RCAN2: variants seen among roughly 807,000 people sequenced by gnomAD.
The protein encoded by RCAN2 is calcipressin-2.
In RCAN2, 9 loss-of-function variants were observed where a neutral mutation model predicts 23.6. The ratio of observed to expected loss-of-function variants is 0.38; its 90% CI spans 0.23 to 0.67. RCAN2 has a LOEUF of 0.67. RCAN2 is among the 30% of genes least tolerant of loss of function. The probability of loss-of-function intolerance (pLI) is 0.51; values close to 1 mark genes in which losing one functional copy is unlikely to be tolerated. For synonymous variants in RCAN2, 109 were observed against 115.7 expected (o/e 0.94, Z 0.37); for missense variants, 273 against 302.3 (o/e 0.90, Z 0.72).
intron 2 of RCAN2, among the ~76,000 whole-genome samples, chr6:46,422,114 A>G (rs1272057250): frequency 6.6e-6 from 1 of 152,104 alleles, no homozygotes; most frequent in Non-Finnish European, 1.5e-5. Flanking sequence ...TGTTGGGGTC[A>G]TGAGGGAGGA....
At chr6:46,349,852 G>T (rs1019243263) in intron 2 of RCAN2, among the ~76,000 whole-genome samples, 2 of 152,086 alleles carry the variant, frequency 1.3e-5, no homozygotes, top group Non-Finnish European at 2.9e-5. Flanking sequence ...CAGAAGCCAG[G>T]ATGATCCACC....
chr6:46,227,716 G>A (rs1765722732), intron 4 of RCAN2, among the ~76,000 whole-genome samples: 1 of 151,590 alleles, frequency 6.6e-6, no homozygotes, highest in African/African-American at 2.4e-5. Context: ...CAATTTTGTT[G>A]ATCTTTTCAA....
At chr6:46,356,396 T>C (rs1167817754) in intron 2 of RCAN2, among the ~76,000 whole-genome samples, 7 of 152,180 alleles carry the variant, frequency 4.6e-5, no homozygotes, top group African/African-American at 1.7e-4. Context: ...GTTTAAACCC[T>C]CTGAGCTACC....
chr6:46,365,434 C>T lies in RCAN2; in HGVS notation c.225+91318G>A, dbSNP rs139345507. ...GAGTTTGCGGTGAGCCGAGATCATG[C>T]CATTGCACACTAGCCTGGGCAACAA... On this transcript the variant is annotated intron_variant, in intron 2 of 4. Coordinates refer to ENST00000371374, the MANE Select transcript of RCAN2 (RefSeq NM_001251974.2). Among the ~76,000 whole-genome samples, 394 of 151,264 alleles carry T rather than the reference C, an allele frequency of 2.6e-3. 1 individual carries two copies. The highest frequency in any genetic ancestry group is 9.0e-3 in the African/African-American group (371 of 41,266).
chr6:46,302,881 A>G (rs532566390), intron 2 of RCAN2, among the ~76,000 whole-genome samples: 1 of 152,188 alleles, frequency 6.6e-6, no homozygotes, highest in South Asian at 2.1e-4. Flanking sequence ...ATTGAGGCTC[A>G]GGGGCTTATG....
chr6:46,388,285 T>C (rs1037147550), intron 2 of RCAN2, among the ~76,000 whole-genome samples: 1 of 151,260 alleles, frequency 6.6e-6, no homozygotes, highest in Non-Finnish European at 1.5e-5. Flanking sequence ...ATAAATAAAT[T>C]TTAAAAAAAA....
chr6:46,363,614 A>G (rs1483041066), intron 2 of RCAN2, among the ~76,000 whole-genome samples: 2 of 152,182 alleles, frequency 1.3e-5, no homozygotes, highest in Non-Finnish European at 2.9e-5. Context: ...GAAAGCATCT[A>G]GGAGCTCAGC....
At chr6:46,447,828 C>T (rs959449183) in intron 2 of RCAN2, among the ~76,000 whole-genome samples, 1 of 151,252 alleles carries the variant, frequency 6.6e-6, no homozygotes, top group African/African-American at 2.4e-5. Context: ...TAGTAGCATA[C>T]TATGAGATAC....
At position 46,424,754 on chromosome 6, in the gene RCAN2, T is replaced by G. The variant is rs9472746; in HGVS notation, c.225+31998A>C. On this transcript the variant is annotated intron_variant, in intron 2 of 4. Transcript: ENST00000371374. Reference sequence around the variant, plus strand: ...ACTTCCTTAAACAGAATGGAGATAATGTATCTTCCACCCAGGGATTCTGGG... The same window carrying G: ...ACTTCCTTAAACAGAATGGAGATAAGGTATCTTCCACCCAGGGATTCTGGG... Among the ~76,000 whole-genome samples, 91 of 152,226 alleles carry G rather than the reference T, an allele frequency of 6.0e-4. 1 individual carries two copies. Among genetic ancestry groups the G allele is most frequent in the African/African-American group, 1.9e-3 (77 of 41,542 alleles).
intron 2 of RCAN2, among the ~76,000 whole-genome samples, chr6:46,418,652 C>T (rs539386054): frequency 5.5e-5 from 8 of 144,210 alleles, no homozygotes; most frequent in South Asian, 4.5e-4. Context: ...GGAATTTTAT[C>T]GGCTGATTGT....
chr6:46,443,825 CTT>C (rs763851265), intron 2 of RCAN2, among the ~76,000 whole-genome samples: 4 of 152,178 alleles, frequency 2.6e-5, no homozygotes, highest in Non-Finnish European at 5.9e-5. Context: ...GTACAGCCAA[CTT>C]TGTTTTTGGA....
chr6:46,322,242 C>T (rs1190800575), intron 2 of RCAN2, among the ~76,000 whole-genome samples: 2 of 152,182 alleles, frequency 1.3e-5, no homozygotes, highest in African/African-American at 2.4e-5. Flanking sequence ...CACATTCACA[C>T]ACACAGAAAT....
intron 2 of RCAN2, among the ~76,000 whole-genome samples, chr6:46,377,000 T>A (rs1011761414): frequency 1.4e-4 from 22 of 152,222 alleles, no homozygotes; most frequent in African/African-American, 5.3e-4. Flanking sequence ...GATGTAATTT[T>A]ATAAGGCTTT....
chr6:46,351,221 C>T (rs942690030), intron 2 of RCAN2, among the ~76,000 whole-genome samples: 5 of 152,212 alleles, frequency 3.3e-5, no homozygotes, highest in African/African-American at 1.2e-4. Context: ...TGTTCTTACA[C>T]CTTTGCTAGC....
intron 2 of RCAN2, among the ~76,000 whole-genome samples, chr6:46,320,497 C>G (rs1354486840): frequency 6.6e-6 from 1 of 152,154 alleles, no homozygotes; most frequent in Non-Finnish European, 1.5e-5. Flanking sequence ...ATAACTCACA[C>G]AACAGCATAA....
chr6:46,341,718 C>A (rs2396638), intron 2 of RCAN2, among the ~76,000 whole-genome samples: 63,936 of 151,790 alleles, frequency 0.42, 14,882 homozygotes, highest in East Asian at 0.6. Context: ...GAATCGCTTG[C>A]ACCTGGGAGG....
chr6:46,414,466 C>T (rs1002155312), intron 2 of RCAN2, among the ~76,000 whole-genome samples: 22 of 152,284 alleles, frequency 1.4e-4, no homozygotes, highest in African/African-American at 5.1e-4. Context: ...GCTTATGTGT[C>T]GAACTTGGCT....
At chr6:46,312,003 A>G (rs1763279771) in intron 2 of RCAN2, among the ~76,000 whole-genome samples, 1 of 152,194 alleles carries the variant, frequency 6.6e-6, no homozygotes, top group Non-Finnish European at 1.5e-5. Context: ...AGGAAGTGAT[A>G]TGTGTAACTT....
intron 1 of RCAN2, among the ~76,000 whole-genome samples, chr6:46,465,706 G>C (rs1442110151): frequency 6.6e-6 from 1 of 152,192 alleles, no homozygotes; most frequent in African/African-American, 2.4e-5. Flanking sequence ...GTCAAACCCA[G>C]CTGGAAACCA....
Sources: allele counts gnomAD v4.1 joint callset (sites outside exome capture counted in the v4.1 genomes callset), GRCh38; gene constraint gnomAD v4.1.1; transcripts MANE v1.5; gene names NCBI Gene and HGNC (gene_info 2026-07-23, HGNC 2026-07-21).